Variants in SREK1IP1 observed in about 807,000 individuals in gnomAD.
SREK1IP1 encodes the protein SREK1 interacting protein 1, also known as protein SREK1IP1.
In SREK1IP1, 12 loss-of-function variants were observed where a neutral mutation model predicts 22.8. That is an observed-to-expected ratio of 0.53 (90% CI 0.34 to 0.85). The LOEUF (loss-of-function observed/expected upper bound fraction) is 0.85. SREK1IP1 is among the 40% of genes least tolerant of loss of function. The probability of loss-of-function intolerance (pLI) is 0.02; values close to 1 mark genes in which losing one functional copy is unlikely to be tolerated. For missense variants in SREK1IP1, 147 were observed against 171.8 expected, an observed-to-expected ratio of 0.86 and a Z score of 0.81; for synonymous variants, 53 against 52.7, an observed-to-expected ratio of 1.01 and a Z score of -0.02.
intron 1 of SREK1IP1, among the ~76,000 whole-genome samples, chr5:64,756,897 AT>A (rs1056901121): frequency 6.6e-6 from 1 of 152,180 alleles, no homozygotes; most frequent in African/African-American, 2.4e-5. Flanking sequence ...AAGTGCTGGG[AT>A]TACAGGTATT....
intron 3 of SREK1IP1, among the ~76,000 whole-genome samples, chr5:64,737,435 C>T (rs559196095): frequency 2.1e-5 from 3 of 143,748 alleles, no homozygotes; most frequent in East Asian, 4.1e-4. Context: ...AAAAGCAGTA[C>T]TAAAAGGGAA....
intron 2 of SREK1IP1, among the ~76,000 whole-genome samples, chr5:64,741,676 G>C (rs1386997878): frequency 6.6e-6 from 1 of 151,950 alleles, no homozygotes; most frequent in Non-Finnish European, 1.5e-5. Flanking sequence ...TAATATAACT[G>C]AATGTGCTTT....
chr5:64,729,604 A>C (rs552192892), intron 3 of SREK1IP1, among the ~76,000 whole-genome samples: 1 of 152,334 alleles, frequency 6.6e-6, no homozygotes, highest in South Asian at 2.1e-4. Context: ...GGACTGTGTG[A>C]TCGGCAGACT....
intron 1 of SREK1IP1, among the ~76,000 whole-genome samples, chr5:64,757,895 A>C (rs1742873144): frequency 1.0e-5 from 1 of 97,260 alleles, no homozygotes; most frequent in African/African-American, 4.1e-5. Flanking sequence ...TTTGAGACGG[A>C]GTCTGCCTCT....
Position 64,724,346 on chromosome 5 carries a change from C to CA in SREK1IP1, c.*37dup, listed in dbSNP as rs774786211. Reference sequence around the variant, plus strand: ...AGGAAGGGCAAACACGTTTTAAAAACAAATTTTTAAATTTAACGGCTTAAG... The same window carrying CA: ...AGGAAGGGCAAACACGTTTTAAAAACAAAATTTTTAAATTTAACGGCTTAAG... On this transcript the variant is annotated 3_prime_UTR_variant, in exon 5 of 5. Transcript: ENST00000513458. 6.7e-7 allele frequency: 1 copy of CA among 1,481,628 alleles called. No homozygotes were observed. The highest frequency in any genetic ancestry group is 2.4e-5 in the Admixed American group (1 of 42,012). The allele number at this position is 1,481,628 out of a possible 1,614,324, so 91.8% of individuals were successfully genotyped here. A position where few individuals can be genotyped will look rare whatever the true frequency, so the allele number is the denominator to read the frequency against.
intron 1 of SREK1IP1, among the ~76,000 whole-genome samples, chr5:64,755,826 A>G (rs1742828769): frequency 6.6e-6 from 1 of 151,884 alleles, no homozygotes; most frequent in African/African-American, 2.4e-5. Context: ...CAAATGTAAA[A>G]TAATTTATAT....
In SREK1IP1 at chr5:64,744,145, A is replaced by G. The variant is rs556057067; in HGVS notation, c.62-2945T>C. Among the ~76,000 whole-genome samples the G allele has an allele frequency of 1.0e-3, 152 of 152,294 alleles. 1 individual carries two copies. In the Middle Eastern group the frequency reaches 0.037, roughly 37 times the overall value. The stretch of plus-strand genomic sequence containing the variant: ...ACCAGAAAAGGGAAGAAAAAGCCTC[A>G]GGTGAACATGTGTACAACTCCAGTA... On this transcript the variant is annotated intron_variant, in intron 2 of 4. Coordinates refer to ENST00000513458, the MANE Select transcript of SREK1IP1 (RefSeq NM_173829.4).
At chr5:64,742,098 C>T (rs1742561659) in intron 2 of SREK1IP1, among the ~76,000 whole-genome samples, 1 of 151,768 alleles carries the variant, frequency 6.6e-6, no homozygotes, top group African/African-American at 2.4e-5. Flanking sequence ...TATACCTATA[C>T]CTGCAATTTT....
intron 3 of SREK1IP1, among the ~76,000 whole-genome samples, chr5:64,732,544 A>T (rs1029868563): frequency 4.6e-5 from 7 of 152,210 alleles, no homozygotes; most frequent in Non-Finnish European, 1.5e-5. Context: ...TGCTGATGAA[A>T]GAAATCCAAG....
Position 64,722,134 on chromosome 5 carries a change from A to C in SREK1IP1, c.*2250T>G, listed in dbSNP as rs1021952973. The C allele has an allele frequency of 1.2e-4, 19 of 152,204 alleles. No individual in the cohort carries two copies. The highest frequency in any genetic ancestry group is 4.6e-4 in the African/African-American group (19 of 41,456). 9.4% of individuals were successfully genotyped at this position (152,204 alleles called of 1,614,324 possible). On this transcript the variant is annotated 3_prime_UTR_variant, in exon 5 of 5. Transcript: ENST00000513458. ...ATTAGAAGAAAATTACTTCAGTGAA[A>C]ATAAATTTTTATTCAATTTCATAAA...
intron 1 of SREK1IP1, among the ~76,000 whole-genome samples, chr5:64,764,001 A>G (rs1291867728): frequency 2.0e-5 from 3 of 152,212 alleles, no homozygotes; most frequent in Non-Finnish European, 4.4e-5. Context: ...AGTTTAAGAG[A>G]ATTTTAATAA....
In SREK1IP1 at chr5:64,739,197, A is replaced by G. The variant is rs371990552; in HGVS notation, c.205+1860T>C. Among the ~76,000 whole-genome samples, 25 of 152,240 alleles carry G rather than the reference A, an allele frequency of 1.6e-4. No individual in the cohort carries two copies. The East Asian group carries it at 2.5e-3, about 15-fold the overall frequency. On this transcript the variant is annotated intron_variant, in intron 3 of 4. Transcript: ENST00000513458. ...CTTCGAAATTTTCTTTCTGGGACTC[A>G]TTTGAGTGAAGTATTTCCTAGACTA...
intron 2 of SREK1IP1, among the ~76,000 whole-genome samples, chr5:64,749,378 T>C (rs1561389181): frequency 6.6e-6 from 1 of 151,994 alleles, no homozygotes; most frequent in Non-Finnish European, 1.5e-5. Context: ...TCCCTAACAT[T>C]TTGGTTCCAC....
rs141489721 is a variant in SREK1IP1, at chr5:64,748,313, T to G, written c.61+6002A>C. Among the ~76,000 whole-genome samples the G allele has an allele frequency of 6.5e-3, 980 of 151,916 alleles. 11 individuals are homozygous for G. Among genetic ancestry groups the G allele is most frequent in the African/African-American group, 0.023 (955 of 41,390 alleles). ...AATAGGCAAATTCACAGGGATAGGT[T>G]AATAAGGGCTGGGGAAAGGAGGGAG... On this transcript the variant is annotated intron_variant, in intron 2 of 4. Coordinates refer to ENST00000513458, the MANE Select transcript of SREK1IP1 (RefSeq NM_173829.4).
intron 1 of SREK1IP1, among the ~76,000 whole-genome samples, chr5:64,758,142 C>G (rs1445616516): frequency 6.6e-6 from 1 of 151,832 alleles, no homozygotes; most frequent in East Asian, 1.9e-4. Context: ...TCCCAAAGTG[C>G]TGGGATTACA....
intron 3 of SREK1IP1, among the ~76,000 whole-genome samples, chr5:64,731,342 T>C (rs980263858): frequency 2.0e-5 from 3 of 151,614 alleles, no homozygotes. Context: ...AGTGACATCA[T>C]GTCTTTATAA....
At chr5:64,764,526 A>T (rs796660381) in intron 1 of SREK1IP1, among the ~76,000 whole-genome samples, 26 of 152,310 alleles carry the variant, frequency 1.7e-4, no homozygotes, top group African/African-American at 5.8e-4. Context: ...GTGGAAGGAA[A>T]GAGTAGAAAG....
chr5:64,742,882 G>A (rs1298950976), intron 2 of SREK1IP1, among the ~76,000 whole-genome samples: 2 of 151,976 alleles, frequency 1.3e-5, no homozygotes, highest in African/African-American at 4.8e-5. Context: ...TCTTAGTCTA[G>A]TCTGCCATAT....
chr5:64,749,043 AG>A (rs1364566196), intron 2 of SREK1IP1, among the ~76,000 whole-genome samples: 2 of 145,684 alleles, frequency 1.4e-5, no homozygotes, highest in African/African-American at 5.0e-5. Context: ...TCCTCCTTCC[AG>A]GAGTAGCTAT....
Sources: gnomAD v4.1 joint callset for allele counts (sites outside exome capture counted in the v4.1 genomes callset) on GRCh38, gnomAD v4.1.1 for gene constraint, MANE v1.5 for transcripts, NCBI Gene and HGNC (gene_info 2026-07-23, HGNC 2026-07-21) for gene names.